Variants in ATXN1 observed in about 807,000 individuals in gnomAD.
ATXN1 encodes the protein ataxin 1, also known as ataxin-1.
In ATXN1, 8 loss-of-function variants were observed where a neutral mutation model predicts 56.4. The observed-to-expected ratio is 0.14, with a 90% confidence interval of 0.08 to 0.26. The LOEUF (loss-of-function observed/expected upper bound fraction) is 0.26, where lower values mean the gene tolerates loss of function less well. ATXN1 is among the 10% of genes least tolerant of loss of function. The probability of loss-of-function intolerance (pLI) is 1.00; values close to 1 mark genes in which losing one functional copy is unlikely to be tolerated. For synonymous variants in ATXN1, 514 were observed against 494.6 expected, an observed-to-expected ratio of 1.04 and a Z score of -0.52; for missense variants, 987 against 1,106.5, an observed-to-expected ratio of 0.89 and a Z score of 1.53.
rs139294618 is a variant in ATXN1 at position 16,466,400 on chromosome 6, G to C, written c.-161+19572C>G. 8.2e-3 allele frequency among the ~76,000 whole-genome samples: 1,237 copies of C among 150,456 alleles called. 15 individuals carry two copies. The highest frequency in any genetic ancestry group is 0.029 in the African/African-American group (1,171 of 40,790). On this transcript the variant is annotated intron_variant, in intron 6 of 7. Transcript: ENST00000436367. The stretch of plus-strand genomic sequence containing the variant: ...AAGAGGATAACTCTCTATCAAGTAG[G>C]GTTCCTAGATTTCTTCTCTTTCAGA...
At chr6:16,493,948 T>C (rs1351844136) in intron 5 of ATXN1, among the ~76,000 whole-genome samples, 4 of 152,208 alleles carry the variant, frequency 2.6e-5, no homozygotes, top group African/African-American at 9.7e-5. Flanking sequence ...CTGCTGGCAA[T>C]TGCAGAGTTC....
intron 2 of ATXN1, among the ~76,000 whole-genome samples, chr6:16,715,350 C>T (rs1759617230): frequency 6.6e-6 from 1 of 152,142 alleles, no homozygotes; most frequent in South Asian, 2.1e-4. Context: ...ATAACTTGCT[C>T]AAAGTCACAA....
chr6:16,434,138 A>G (rs946314729), intron 6 of ATXN1, among the ~76,000 whole-genome samples: 1 of 152,228 alleles, frequency 6.6e-6, no homozygotes, highest in Non-Finnish European at 1.5e-5. Context: ...ACATGTGCAC[A>G]CATCAAAACA....
chr6:16,337,010 G>T (rs972107405), intron 6 of ATXN1, among the ~76,000 whole-genome samples: 6 of 152,170 alleles, frequency 3.9e-5, no homozygotes, highest in Non-Finnish European at 7.3e-5. Flanking sequence ...TGCGTCCAGT[G>T]GGGAGTTGTT....
chr6:16,346,046 G>C (rs1004230142), intron 6 of ATXN1, among the ~76,000 whole-genome samples: 5 of 152,124 alleles, frequency 3.3e-5, no homozygotes, highest in African/African-American at 1.2e-4. Flanking sequence ...TGTGAGGGCG[G>C]TTCTATATTC....
At chr6:16,496,499 C>T (rs953290017) in intron 5 of ATXN1, among the ~76,000 whole-genome samples, 8 of 152,166 alleles carry the variant, frequency 5.3e-5, no homozygotes, top group Admixed American at 3.9e-4. Flanking sequence ...GAGAGGGGTG[C>T]TGAGTGTGAC....
rs138335264 is a variant in ATXN1, at chr6:16,561,479, C to T, written c.-361+24301G>A. Among the ~76,000 whole-genome samples the T allele has an allele frequency of 3.1e-3, 471 of 152,300 alleles. 1 individual carries two copies. The highest frequency in any genetic ancestry group is 7.7e-3 in the South Asian group (37 of 4,832). Reference sequence around the variant, plus strand: ...ACCAACAAGTTCCCATAGAGCCATACTTTTCACTCCTTTCATTTAGCAAAC... The same window carrying T: ...ACCAACAAGTTCCCATAGAGCCATATTTTTCACTCCTTTCATTTAGCAAAC... On this transcript the variant is annotated intron_variant, in intron 4 of 7. Transcript: ENST00000436367.
intron 2 of ATXN1, chr6:16,736,742 C>T (rs1760148481): frequency 6.6e-6 from 1 of 152,286 alleles, no homozygotes; most frequent in South Asian, 2.1e-4. Context: ...TCCTAATCTG[C>T]CACACTTCAA....
At chr6:16,624,518 C>T (rs551013288) in intron 3 of ATXN1, among the ~76,000 whole-genome samples, 266 of 152,156 alleles carry the variant, frequency 1.7e-3, no homozygotes, top group African/African-American at 6.2e-3. Context: ...TACTTAAAAG[C>T]AAAAGTGGCG....
intron 6 of ATXN1, among the ~76,000 whole-genome samples, chr6:16,344,483 A>G (rs902693682): frequency 1.3e-5 from 2 of 152,250 alleles, no homozygotes; most frequent in African/African-American, 4.8e-5. Context: ...GAAAGCAGGC[A>G]GAAGAACGTA....
intron 2 of ATXN1, among the ~76,000 whole-genome samples, chr6:16,679,615 C>A (rs571211530): frequency 3.3e-5 from 5 of 152,288 alleles, no homozygotes; most frequent in Non-Finnish European, 2.9e-5. Context: ...GTATACTGCA[C>A]AATCCTTTAC....
In ATXN1 at chr6:16,323,373, G is replaced by T. The variant is rs534140770; in HGVS notation, c.1917+3021C>A. 2.0e-5 allele frequency among the ~76,000 whole-genome samples: 3 copies of T among 151,996 alleles called. No individual in the cohort carries two copies. The South Asian group carries it at 6.3e-4, about 32-fold the overall frequency. On this transcript the variant is annotated intron_variant, in intron 7 of 7. Transcript: ENST00000436367. ...GTCTCTACTAAAAATACAAAAATTAGCAGGGGGTGATGGCGTGTGCCTGTA... is the reference window on the plus strand; with the variant it reads ...GTCTCTACTAAAAATACAAAAATTATCAGGGGGTGATGGCGTGTGCCTGTA...
At chr6:16,610,815 A>G (rs902708886) in intron 3 of ATXN1, among the ~76,000 whole-genome samples, 4 of 151,756 alleles carry the variant, frequency 2.6e-5, no homozygotes, top group African/African-American at 7.3e-5. Context: ...CTTGAGGCCA[A>G]GAGTTTAAAA....
chr6:16,527,932 G>T (rs1761425172), intron 4 of ATXN1, among the ~76,000 whole-genome samples: 1 of 152,084 alleles, frequency 6.6e-6, no homozygotes, highest in Admixed American at 6.5e-5. Flanking sequence ...CTCTCTCGTG[G>T]TCACCGCTTT....
chr6:16,614,790 T>C (rs1293470417), intron 3 of ATXN1, among the ~76,000 whole-genome samples: 39 of 151,336 alleles, frequency 2.6e-4, no homozygotes, highest in Admixed American at 2.6e-3. Context: ...AGGCGTGGTG[T>C]TGCATGCCTG....
intron 6 of ATXN1, among the ~76,000 whole-genome samples, chr6:16,480,875 T>C (rs575428180): frequency 2.6e-5 from 4 of 151,360 alleles, no homozygotes; most frequent in African/African-American, 7.3e-5. Flanking sequence ...GGGGAAAGGG[T>C]GTGCCTGGGA....
chr6:16,523,699 G>A (rs1447833043), intron 4 of ATXN1, among the ~76,000 whole-genome samples: 1 of 152,170 alleles, frequency 6.6e-6, no homozygotes, highest in Non-Finnish European at 1.5e-5. Context: ...TGTGGACTTG[G>A]CAGAGGGGCG....
At chr6:16,378,427 G>A (rs1031043561) in intron 6 of ATXN1, among the ~76,000 whole-genome samples, 17 of 152,180 alleles carry the variant, frequency 1.1e-4, no homozygotes, top group Admixed American at 9.2e-4. Context: ...TAGGTTAAGG[G>A]AAGTTCCCAG....
chr6:16,346,804 C>T (rs1345299793), intron 6 of ATXN1, among the ~76,000 whole-genome samples: 3 of 152,214 alleles, frequency 2.0e-5, no homozygotes, highest in African/African-American at 4.8e-5. Context: ...CCCTTCACCC[C>T]GCCGCTGCAC....
Sources: allele counts gnomAD v4.1 joint callset (sites outside exome capture counted in the v4.1 genomes callset), GRCh38; gene constraint gnomAD v4.1.1; transcripts MANE v1.5; gene names NCBI Gene and HGNC (gene_info 2026-07-23, HGNC 2026-07-21).